Variants in ZFHX3 observed in about 807,000 individuals in gnomAD.
The protein encoded by ZFHX3 is zinc finger homeobox protein 3.
Under a neutral mutation model 279.1 loss-of-function variants are expected in ZFHX3, and 42 were observed. That is an observed-to-expected ratio of 0.15 (90% CI 0.12 to 0.19). ZFHX3 has a LOEUF of 0.19. ZFHX3 is among the 10% of genes least tolerant of loss of function. The pLI, the probability that ZFHX3 is intolerant of heterozygous loss-of-function variation, is 1.00. For missense variants in ZFHX3, 4,981 were observed against 4,754.0 expected (o/e 1.05, Z -1.40); for synonymous variants, 2,293 against 1,957.8 (o/e 1.17, Z -4.52).
At chr16:73,646,081 A>G (rs138473322) in intron 2 of ZFHX3, among the ~76,000 whole-genome samples, 4 of 152,350 alleles carry the variant, frequency 2.6e-5, no homozygotes, top group Admixed American at 6.5e-5. Flanking sequence ...GACCATATAC[A>G]TTGATCAAAA....
intron 4 of ZFHX3, among the ~76,000 whole-genome samples, chr16:73,278,798 C>A (rs764184036): frequency 1.1e-4 from 16 of 152,136 alleles, no homozygotes; most frequent in Non-Finnish European, 2.4e-4. Flanking sequence ...ATTTTACAAT[C>A]CTCTTGCTAC....
intron 4 of ZFHX3, among the ~76,000 whole-genome samples, chr16:73,315,872 C>T (rs929875150): frequency 1.3e-5 from 2 of 152,120 alleles, no homozygotes; most frequent in African/African-American, 4.8e-5. Context: ...TATTTTCAGC[C>T]CCCCTGGGAG....
At chr16:73,636,848 T>G (rs908113052) in intron 2 of ZFHX3, among the ~76,000 whole-genome samples, 1 of 152,160 alleles carries the variant, frequency 6.6e-6, no homozygotes, top group African/African-American at 2.4e-5. Context: ...AATCTATAAC[T>G]TTAGTATCAC....
intron 1 of ZFHX3, among the ~76,000 whole-genome samples, chr16:72,984,984 TAAAA>T (rs1962785420): frequency 6.6e-6 from 1 of 151,842 alleles, no homozygotes; most frequent in Admixed American, 6.6e-5. Context: ...ATAGAGCAAT[TAAAA>T]GAGGAAAAAA....
chr16:73,374,241 G>A (rs1338054830), intron 3 of ZFHX3, among the ~76,000 whole-genome samples: 2 of 152,154 alleles, frequency 1.3e-5, no homozygotes, highest in Non-Finnish European at 1.5e-5. Flanking sequence ...ATATATAATT[G>A]TATAGTATAT....
At chr16:73,787,394 G>A (rs1047124977) in intron 1 of ZFHX3, among the ~76,000 whole-genome samples, 5 of 152,094 alleles carry the variant, frequency 3.3e-5, no homozygotes, top group South Asian at 2.1e-4. Flanking sequence ...CTCAGCAAGC[G>A]GCCCCATGCG....
intron 8 of ZFHX3, among the ~76,000 whole-genome samples, chr16:73,086,901 T>A (rs181501073): frequency 1.3e-5 from 2 of 151,964 alleles, no homozygotes; most frequent in Admixed American, 1.3e-4. Flanking sequence ...AGACCCTGTC[T>A]CAAAAAACAA....
chr16:73,163,930 G>T (rs1002387440), intron 5 of ZFHX3, among the ~76,000 whole-genome samples: 4 of 152,044 alleles, frequency 2.6e-5, no homozygotes, highest in Admixed American at 2.6e-4. Context: ...TTTCTTGCTT[G>T]CCATAGTCTT....
chr16:73,506,837 A>T (rs2019335650), intron 2 of ZFHX3, among the ~76,000 whole-genome samples: 1 of 152,102 alleles, frequency 6.6e-6, no homozygotes, highest in Non-Finnish European at 1.5e-5. Flanking sequence ...GCAAGATTAC[A>T]CACTTTAATA....
intron 3 of ZFHX3, among the ~76,000 whole-genome samples, chr16:73,331,718 T>C (rs1296121978): frequency 6.6e-6 from 1 of 152,238 alleles, no homozygotes; most frequent in Non-Finnish European, 1.5e-5. Context: ...CCAGTTCTGC[T>C]ACATTCCCAG....
chr16:73,549,741 G>T (rs1394881188), intron 2 of ZFHX3, among the ~76,000 whole-genome samples: 1 of 152,126 alleles, frequency 6.6e-6, no homozygotes, highest in East Asian at 1.9e-4. Flanking sequence ...CAAAGCTAAT[G>T]TTTATAGGCC....
At chr16:73,462,932 G>C (rs1434961791) in intron 2 of ZFHX3, among the ~76,000 whole-genome samples, 1 of 152,132 alleles carries the variant, frequency 6.6e-6, no homozygotes, top group African/African-American at 2.4e-5. Context: ...AACATAAAAT[G>C]AATTGGAAAG....
intron 4 of ZFHX3, among the ~76,000 whole-genome samples, chr16:73,265,095 G>GTGTGTGTGTA (rs752292553): frequency 6.6e-6 from 1 of 151,736 alleles, no homozygotes; most frequent in Non-Finnish European, 1.5e-5. Flanking sequence ...GTGTGTGTGT[G>GTGTGTGTGTA]TGTGTGTGTG....
At chr16:73,161,484 T>C (rs1278372567) in intron 5 of ZFHX3, among the ~76,000 whole-genome samples, 2 of 152,258 alleles carry the variant, frequency 1.3e-5, no homozygotes, top group Non-Finnish European at 2.9e-5. Flanking sequence ...AGGGATTATA[T>C]GTCTTTGTGC....
At chr16:73,749,646 C>T (rs558092399) in intron 1 of ZFHX3, among the ~76,000 whole-genome samples, 5 of 152,288 alleles carry the variant, frequency 3.3e-5, no homozygotes, top group South Asian at 2.1e-4. Flanking sequence ...CACTATACTA[C>T]GTATAACTGT....
At chr16:73,552,418 A>C (rs1001509737) in intron 2 of ZFHX3, among the ~76,000 whole-genome samples, 1 of 152,220 alleles carries the variant, frequency 6.6e-6, no homozygotes, top group Admixed American at 6.5e-5. Flanking sequence ...ACATCGTGCC[A>C]TTTCATTCAA....
intron 7 of ZFHX3, among the ~76,000 whole-genome samples, chr16:73,122,876 C>T (rs1405636896): frequency 3.9e-5 from 6 of 151,990 alleles, no homozygotes; most frequent in South Asian, 2.1e-4. Context: ...TGTGGTCGGC[C>T]GCTGGGTGGA....
chr16:73,185,076 C>T (rs1363547658), intron 5 of ZFHX3, among the ~76,000 whole-genome samples: 1 of 151,782 alleles, frequency 6.6e-6, no homozygotes, highest in Non-Finnish European at 1.5e-5. Flanking sequence ...TTCCTATGCT[C>T]AAGTGATCCT....
At position 72,957,420 on chromosome 16, in the gene ZFHX3, T is replaced by C; in HGVS notation, c.2719+7A>G. 1.3e-6 allele frequency: 2 copies of C among 1,596,912 alleles called. No individual in the cohort carries two copies. Among genetic ancestry groups the C allele is most frequent in the Non-Finnish European group, 1.7e-6 (2 of 1,170,890 alleles). ...ATGAAAACAGACAAACACGTAGTCA[T>C]CCTCACCTAGAGCAGGCGTCATGGC... On this transcript the variant is annotated splice_region_variant and intron_variant, in intron 2 of 9. Coordinates refer to ENST00000268489, the MANE Select transcript of ZFHX3 (RefSeq NM_006885.4).
Sources: allele counts gnomAD v4.1 joint callset (sites outside exome capture counted in the v4.1 genomes callset), GRCh38; gene constraint gnomAD v4.1.1; transcripts MANE v1.5; gene names NCBI Gene and HGNC (gene_info 2026-07-23, HGNC 2026-07-21).